DDX19B: variants seen among roughly 807,000 people sequenced by gnomAD.
DDX19B encodes ATP-dependent RNA helicase DDX19B.
A neutral mutation model predicts 58.1 loss-of-function variants in DDX19B; 27 were observed. That is an observed-to-expected ratio of 0.46 (90% CI 0.34 to 0.64). The LOEUF (loss-of-function observed/expected upper bound fraction) is 0.64. Among genes scored for constraint, DDX19B ranks in the 30% least tolerant of loss-of-function variants. The probability of loss-of-function intolerance (pLI) is 0.01; values close to 1 mark genes in which losing one functional copy is unlikely to be tolerated. For synonymous variants in DDX19B, 187 were observed against 214.4 expected, an observed-to-expected ratio of 0.87 and a Z score of 1.12; for missense variants, 399 against 596.5, an observed-to-expected ratio of 0.67 and a Z score of 3.45.
Position 70,331,860 on chromosome 16 carries a change from G to C in DDX19B, c.1162G>C (p.Val388Leu), listed in dbSNP as rs1416444187. 1.2e-6 allele frequency: 2 copies of C among 1,614,024 alleles called. No homozygotes were observed. The highest frequency in any genetic ancestry group is 2.7e-5 in the African/African-American group (2 of 74,938). The change falls in exon 10 of 12, where the codon GTG becomes CTG. Residue 388 changes from valine (V) to leucine (L), a missense_variant. Coordinates refer to ENST00000288071, the MANE Select transcript of DDX19B (RefSeq NM_007242.7). Reference sequence around the variant, plus strand: ...CCGAGAGGGCAAAGAGAAGGTTTTGGTGACCACCAACGTGTGTGCCCGCGG... The same window carrying C: ...CCGAGAGGGCAAAGAGAAGGTTTTGCTGACCACCAACGTGTGTGCCCGCGG... ...RFREGKEKVLVTTNVCARGID... is the reference protein window; with the variant it reads ...RFREGKEKVLLTTNVCARGID...
chr16:70,314,818 C>A (rs1962285974), intron 2 of DDX19B, 84 bp from the exon 3 acceptor site: 1 of 1,499,324 alleles, frequency 6.7e-7, no homozygotes, highest in Non-Finnish European at 9.2e-7. Flanking sequence ...TTTACAAAAA[C>A]TTCTAGTGTC....
chr16:70,290,624 A>G (rs1249563460), upstream of DDX19B, among the ~76,000 whole-genome samples: 4 of 152,148 alleles, frequency 2.6e-5, no homozygotes, highest in Non-Finnish European at 5.9e-5. Context: ...ACTTGAGCCT[A>G]GGAAGTTGAG....
chr16:70,292,296 C>T (rs372945687), upstream of DDX19B, among the ~76,000 whole-genome samples: 28 of 152,170 alleles, frequency 1.8e-4, no homozygotes, highest in East Asian at 4.6e-3. Flanking sequence ...GCCACCACCA[C>T]GCCCAGTTAT....
At chr16:70,312,219 T>G (rs1021841900) in intron 1 of DDX19B, among the ~76,000 whole-genome samples, 3 of 152,102 alleles carry the variant, frequency 2.0e-5, no homozygotes, top group Non-Finnish European at 4.4e-5. Flanking sequence ...CTCTTTAAAT[T>G]TCCTCTTGTT....
rs545691530 is a variant in DDX19B at position 70,311,826 on chromosome 16, GCTTTTCTTTTCTTTT to G, written c.58-772_58-758del. Among the ~76,000 whole-genome samples, 6 of 151,858 alleles carry G rather than the reference GCTTTTCTTTTCTTTT, an allele frequency of 4.0e-5. No individual in the cohort carries two copies. The South Asian group carries it at 1.3e-3, about 32-fold the overall frequency. ...GTATGACTGATTCCTACCCACAGAT[GCTTTTCTTTTCTTTT>G]CTTTTCTTTTTTTTTTTGTGAGACG... is the stretch of plus-strand genomic sequence containing the variant. On this transcript the variant is annotated intron_variant, in intron 1 of 11. Transcript: ENST00000288071.
At chr16:70,320,915 A>AC (rs1170680061) in intron 5 of DDX19B, among the ~76,000 whole-genome samples, 12 of 144,428 alleles carry the variant, frequency 8.3e-5, no homozygotes, top group African/African-American at 2.8e-4. Flanking sequence ...CTGGTCTCAA[A>AC]CCCCCCAAAG....
chr16:70,292,033 C>A (rs985573667), upstream of DDX19B, among the ~76,000 whole-genome samples: 2 of 152,052 alleles, frequency 1.3e-5, no homozygotes, highest in African/African-American at 4.8e-5. Flanking sequence ...CGCCTGTAGT[C>A]CCAGCTGCTC....
rs542082886 is a variant in DDX19B, at chr16:70,315,929, A to C, written c.161-40A>C. 1.1e-5 allele frequency: 18 copies of C among 1,605,254 alleles called. No homozygotes were observed. The Admixed American group carries it at 2.0e-4, about 18-fold the overall frequency. The stretch of plus-strand genomic sequence containing the variant: ...TTAGAGTAAACGCCTGGTAGGTTTC[A>C]AGGACTTTTTAAAATTCTTTGCTTT... On this transcript the variant is annotated intron_variant, in intron 3 of 11. Coordinates refer to ENST00000288071, the MANE Select transcript of DDX19B (RefSeq NM_007242.7).
intron 1 of DDX19B, among the ~76,000 whole-genome samples, chr16:70,306,732 A>T (rs967002801): frequency 6.6e-6 from 1 of 152,206 alleles, no homozygotes; most frequent in African/African-American, 2.4e-5. Context: ...AGACCCTATT[A>T]TTATGACATT....
chr16:70,294,226 C>T (rs1315325901), upstream of DDX19B, among the ~76,000 whole-genome samples: 2 of 151,734 alleles, frequency 1.3e-5, no homozygotes, highest in African/African-American at 4.8e-5. Context: ...GGACTACAGG[C>T]GCCCGCTACC....
chr16:70,296,000 T>C (rs1961203054), upstream of DDX19B, among the ~76,000 whole-genome samples: 1 of 150,518 alleles, frequency 6.6e-6, no homozygotes, highest in Non-Finnish European at 1.5e-5. Context: ...GTGTGTATCT[T>C]AAGCATTTTT....
chr16:70,329,298 G>A lies in DDX19B; in HGVS notation c.614G>A (p.Arg205Lys). 6.2e-7 allele frequency: 1 copy of A among 1,613,052 alleles called. No individual in the cohort carries two copies. Among genetic ancestry groups the A allele is most frequent in the Non-Finnish European group, 8.5e-7 (1 of 1,179,764 alleles). The change falls in exon 8 of 12, where the codon AGA becomes AAA. Residue 205 changes from arginine (R) to lysine (K), a missense_variant. Coordinates refer to ENST00000288071, the MANE Select transcript of DDX19B (RefSeq NM_007242.7). ...AYAVRGNKLE[R>K]GQKISEQIVI... ...CATCTTGGGGTCTCCACAGTGGAAA[G>A]AGGCCAGAAGATCAGTGAGCAGATT...
At chr16:70,329,621 G>T in intron 8 of DDX19B, 152 bp downstream of exon 8, 1 of 1,337,650 alleles carries the variant, frequency 7.5e-7, no homozygotes, top group African/African-American at 1.5e-5. Context: ...GTCAGCGCTG[G>T]CCACAGTCCC....
chr16:70,290,916 C>T (rs577889547), upstream of DDX19B, among the ~76,000 whole-genome samples: 1 of 152,270 alleles, frequency 6.6e-6, no homozygotes, highest in African/African-American at 2.4e-5. Flanking sequence ...TGCACTATTA[C>T]CTCCATCATC....
intron 1 of DDX19B, among the ~76,000 whole-genome samples, chr16:70,299,819 A>C (rs1490879098): frequency 6.6e-6 from 1 of 151,948 alleles, no homozygotes; most frequent in Non-Finnish European, 1.5e-5. Context: ...CTACATTCAG[A>C]GCTTCTTTGG....
intron 9 of DDX19B, 81 bp downstream of exon 9, chr16:70,330,149 T>G (rs1963407167): frequency 9.9e-6 from 15 of 1,514,758 alleles, no homozygotes; most frequent in Non-Finnish European, 1.4e-5. Flanking sequence ...TGGATGCCCC[T>G]GGGTGCCATG....
chr16:70,303,847 C>T (rs758325273), intron 1 of DDX19B, among the ~76,000 whole-genome samples: 11 of 152,140 alleles, frequency 7.2e-5, no homozygotes, highest in Non-Finnish European at 1.2e-4. Context: ...GCGTGAGCCA[C>T]CGCGCCCGGC....
At chr16:70,330,912 G>A (rs916769752) in intron 9 of DDX19B, among the ~76,000 whole-genome samples, 16 of 152,026 alleles carry the variant, frequency 1.1e-4, no homozygotes, top group African/African-American at 3.9e-4. Flanking sequence ...AGGCGTGGTG[G>A]TGCATGCCTG....
intron 5 of DDX19B, among the ~76,000 whole-genome samples, chr16:70,323,662 G>T (rs897638035): frequency 6.6e-6 from 1 of 150,632 alleles, no homozygotes; most frequent in South Asian, 2.1e-4. Flanking sequence ...GACCTCGAAT[G>T]ATCCACCCAC....
Sources: gnomAD v4.1 joint callset for allele counts (sites outside exome capture counted in the v4.1 genomes callset) on GRCh38, gnomAD v4.1.1 for gene constraint, MANE v1.5 for transcripts, NCBI Gene and HGNC (gene_info 2026-07-23, HGNC 2026-07-21) for gene names.